Variants in FRMPD4 observed in about 807,000 individuals in gnomAD.
The protein encoded by FRMPD4 is FERM and PDZ domain containing 4.
A neutral mutation model predicts 94.1 loss-of-function variants in FRMPD4; 22 were observed. That is an observed-to-expected ratio of 0.23 (90% CI 0.17 to 0.33). The LOEUF (loss-of-function observed/expected upper bound fraction) is 0.33. FRMPD4 is among the 10% of genes least tolerant of loss of function. FRMPD4 has a pLI of 1.00. For missense variants in FRMPD4, 1,111 were observed against 1,339.9 expected (o/e 0.83, Z 2.67); for synonymous variants, 631 against 548.6 (o/e 1.15, Z -2.10).
At chrX:12,285,426 T>C (rs2054586352) in intron 1 of FRMPD4, among the ~76,000 whole-genome samples, 5 of 111,670 alleles carry the variant, frequency 4.5e-5, no homozygotes, top group Admixed American at 3.8e-4. Context: ...GGGACTGTTA[T>C]TTGATTTTTT....
intron 1 of FRMPD4, among the ~76,000 whole-genome samples, chrX:11,859,218 A>G (rs766596263): frequency 8.9e-6 from 1 of 111,907 alleles, no homozygotes; most frequent in African/African-American, 3.2e-5. Context: ...ACTTGCAGAG[A>G]AGGACAAAAT....
At chrX:11,967,756 G>GTTTTTTT (rs11431796) in intron 3 of FRMPD4, among the ~76,000 whole-genome samples, 4 of 65,556 alleles carry the variant, frequency 6.1e-5, no homozygotes, top group East Asian at 6.9e-4. Context: ...GTGTGTGTGT[G>GTTTTTTT]TTTTTTTTTT....
intron 1 of FRMPD4, among the ~76,000 whole-genome samples, chrX:12,315,134 G>A (rs1192709690): frequency 1.8e-5 from 2 of 111,738 alleles, no homozygotes; most frequent in Non-Finnish European, 3.8e-5. Context: ...TCTGATTATG[G>A]CTTTCTAGAT....
At chrX:12,522,402 G>A (rs892857184) in intron 2 of FRMPD4, among the ~76,000 whole-genome samples, 1 of 111,085 alleles carries the variant, frequency 9.0e-6, no homozygotes, top group Admixed American at 9.6e-5. Context: ...AGGTCAAAAA[G>A]CCATTCAGGG....
At chrX:12,074,263 T>G (rs1411977326) in intron 3 of FRMPD4, among the ~76,000 whole-genome samples, 2 of 111,783 alleles carry the variant, frequency 1.8e-5, no homozygotes, top group African/African-American at 6.5e-5. Flanking sequence ...CTGCTATAAC[T>G]CCAACTCCAA....
intron 1 of FRMPD4, among the ~76,000 whole-genome samples, chrX:12,180,229 C>T (rs1056765221): frequency 8.9e-6 from 1 of 111,878 alleles, no homozygotes; most frequent in African/African-American, 3.2e-5. Context: ...AAATGCAGTT[C>T]GTCAGTTGAA....
chrX:12,564,726 G>A (rs1365710374), intron 2 of FRMPD4, among the ~76,000 whole-genome samples: 1 of 111,068 alleles, frequency 9.0e-6, no homozygotes, highest in African/African-American at 3.3e-5. Flanking sequence ...CCAACAAAAG[G>A]AAGCAGAGAT....
rs1329704923 is a variant in FRMPD4, at chrX:12,139,554, G to T, written c.41+542G>T. Among the ~76,000 whole-genome samples the T allele has an allele frequency of 1.2e-4, 12 of 102,566 alleles. No individual in the cohort carries two copies. The South Asian group carries it at 1.9e-3, about 16-fold the overall frequency. The allele number at this position is 102,566 out of a possible 115,157, so 89.1% of individuals were successfully genotyped here. ...AGACTTTCAGCCTTTTTTTTTTTGG[G>T]GGGGGGGTAACTATATTCTTAAGCC... On this transcript the variant is annotated intron_variant, in intron 1 of 16. Coordinates refer to ENST00000675598, the MANE Select transcript of FRMPD4 (RefSeq NM_001368397.1).
chrX:12,464,405 GTTTTTC>G (rs1185440215), intron 1 of FRMPD4, among the ~76,000 whole-genome samples: 1 of 112,028 alleles, frequency 8.9e-6, no homozygotes, highest in African/African-American at 3.2e-5. Context: ...ACCAATATTT[GTTTTTC>G]TTTGATCAAC....
intron 3 of FRMPD4, among the ~76,000 whole-genome samples, chrX:11,983,670 T>C (rs2054409489): frequency 8.9e-6 from 1 of 112,028 alleles, no homozygotes; most frequent in Non-Finnish European, 1.9e-5. Flanking sequence ...GGATTGTAAG[T>C]TCCGTGAAAA....
At chrX:12,428,463 C>T (rs1468688291) in intron 1 of FRMPD4, among the ~76,000 whole-genome samples, 1 of 111,333 alleles carries the variant, frequency 9.0e-6, no homozygotes, top group Non-Finnish European at 1.9e-5. Context: ...CTGGATTTCT[C>T]GAACCTCTTA....
intron 2 of FRMPD4, among the ~76,000 whole-genome samples, chrX:12,592,048 A>G (rs2148395021): frequency 9.0e-6 from 1 of 111,560 alleles, no homozygotes; most frequent in South Asian, 3.9e-4. Flanking sequence ...TGCAAGCCAT[A>G]AAACCTAGAA....
At chrX:12,549,514 A>C (rs2058512014) in intron 2 of FRMPD4, among the ~76,000 whole-genome samples, 1 of 112,599 alleles carries the variant, frequency 8.9e-6, no homozygotes. Context: ...TCTCAAAACA[A>C]GTTTATATTT....
At chrX:12,057,260 T>C (rs1167184601) in intron 3 of FRMPD4, among the ~76,000 whole-genome samples, 2 of 111,979 alleles carry the variant, frequency 1.8e-5, no homozygotes, top group African/African-American at 6.5e-5. Flanking sequence ...TTTTTAGTTA[T>C]TTCTCTTGTG....
chrX:11,875,901 A>G (rs1350023864), intron 2 of FRMPD4, among the ~76,000 whole-genome samples: 3 of 67,528 alleles, frequency 4.4e-5, no homozygotes, highest in African/African-American at 1.2e-4. Context: ...TTTGAGATGG[A>G]GTCTCGCTCT....
intron 1 of FRMPD4, among the ~76,000 whole-genome samples, chrX:12,256,204 CA>C (rs1291782557): frequency 1.8e-5 from 2 of 111,708 alleles, no homozygotes; most frequent in African/African-American, 6.5e-5. Context: ...GTGCCCCTGA[CA>C]AGTTCCATTG....
At chrX:12,502,381 T>TA (rs745842730) in intron 2 of FRMPD4, among the ~76,000 whole-genome samples, 56 of 111,680 alleles carry the variant, frequency 5.0e-4, no homozygotes, top group African/African-American at 1.6e-3. Flanking sequence ...TCCTTACTAT[T>TA]ACCAGTTAAG....
chrX:12,140,707 A>T (rs975203491), intron 1 of FRMPD4, among the ~76,000 whole-genome samples: 5 of 112,587 alleles, frequency 4.4e-5, no homozygotes, highest in African/African-American at 1.6e-4. Context: ...AACTTTGGAG[A>T]GGACAGTGTC....
At chrX:12,531,264 A>G (rs1397016372) in intron 2 of FRMPD4, among the ~76,000 whole-genome samples, 1 of 112,476 alleles carries the variant, frequency 8.9e-6, no homozygotes, top group East Asian at 2.8e-4. Context: ...AATGTTATGC[A>G]AAGTCTGGCC....
Sources: gnomAD v4.1 joint callset for allele counts (sites outside exome capture counted in the v4.1 genomes callset) on GRCh38, gnomAD v4.1.1 for gene constraint, MANE v1.5 for transcripts, NCBI Gene and HGNC (gene_info 2026-07-23, HGNC 2026-07-21) for gene names.